The following SLC2A13 variants were observed in gnomAD, a reference collection of about 807,000 sequenced individuals.
SLC2A13 encodes proton myo-inositol cotransporter.
In SLC2A13, 32 loss-of-function variants were observed where a neutral mutation model predicts 64.4. That is an observed-to-expected ratio of 0.50 (90% CI 0.37 to 0.67). The LOEUF is 0.67. Ranked by LOEUF, SLC2A13 falls within the 30% of genes least tolerant of loss-of-function variation. The probability of loss-of-function intolerance (pLI) is 0.00; values close to 1 mark genes in which losing one functional copy is unlikely to be tolerated. For synonymous variants in SLC2A13, 338 were observed against 327.1 expected (o/e 1.03, Z -0.36); for missense variants, 743 against 829.2 (o/e 0.90, Z 1.28).
chr12:39,885,093 T>G (rs973252474), intron 4 of SLC2A13, among the ~76,000 whole-genome samples: 2 of 152,204 alleles, frequency 1.3e-5, no homozygotes, highest in African/African-American at 4.8e-5. Context: ...AGAGTTGCCT[T>G]TCAGGCAGGG....
intron 6 of SLC2A13, among the ~76,000 whole-genome samples, chr12:39,863,619 CA>C (rs1943821387): frequency 6.6e-6 from 1 of 152,040 alleles, no homozygotes; most frequent in Admixed American, 6.5e-5. Flanking sequence ...GGCAGATGTC[CA>C]AATAAAGATG....
chr12:40,009,515 G>T (rs933512597), intron 3 of SLC2A13, among the ~76,000 whole-genome samples: 2 of 152,126 alleles, frequency 1.3e-5, no homozygotes, highest in Admixed American at 6.6e-5. Flanking sequence ...CTACAGCCTT[G>T]ACTCCCTGGG....
intron 4 of SLC2A13, among the ~76,000 whole-genome samples, chr12:39,948,492 A>T (rs1240987379): frequency 6.6e-6 from 1 of 152,158 alleles, no homozygotes; most frequent in African/African-American, 2.4e-5. Context: ...GAGGGAGAAG[A>T]TAAAAAACTA....
Position 40,105,634 on chromosome 12 carries a change from C to T in SLC2A13, c.175G>A (p.Gly59Ser). 3 of 1,485,098 alleles carry T rather than the reference C, an allele frequency of 2.0e-6. No individual in the cohort carries two copies. The highest frequency in any genetic ancestry group is 2.7e-5 in the South Asian group (2 of 74,968). 92.0% of individuals were successfully genotyped at this position (1,485,098 alleles called of 1,614,324 possible). A position where few individuals can be genotyped will look rare whatever the true frequency, so the allele number is the denominator to read the frequency against. Residue 59 changes from glycine (G) to serine (S), a missense_variant, in exon 1 of 10, where the codon GGC becomes AGC. Physicochemically the swap from Gly to Ser is moderately conservative, Grantham distance 56 (BLOSUM62 0). Around this residue, in one of 2 missense-constraint regions of SLC2A13, gnomAD observed 448 missense variants for 447.4 expected, o/e 1.00. Transcript: ENST00000280871. The surrounding 1 kb of genome is among the most constrained non-coding windows in gnomAD (Gnocchi z 4.2). Reference protein sequence around the residue: ...TSLQSAGAGGGGVGDLERAAR... With the variant: ...TSLQSAGAGGSGVGDLERAAR... Reference sequence around the variant, plus strand: ...GCGCGCTCCAGGTCCCCGACGCCGCCGCCGCCCGCGCCCGCGCTCTGCAGG... The same window carrying T: ...GCGCGCTCCAGGTCCCCGACGCCGCTGCCGCCCGCGCCCGCGCTCTGCAGG...
chr12:39,812,096 G>A (rs1205160752), intron 7 of SLC2A13, among the ~76,000 whole-genome samples: 1 of 152,122 alleles, frequency 6.6e-6, no homozygotes, highest in Non-Finnish European at 1.5e-5. Flanking sequence ...TTATTTCTCA[G>A]GGTTTTGGAG....
chr12:39,978,412 C>T (rs28370738), intron 3 of SLC2A13, among the ~76,000 whole-genome samples: 1,945 of 152,278 alleles, frequency 0.013, 43 homozygotes, highest in African/African-American at 0.044. Flanking sequence ...TCTGAGGTAC[C>T]GAGTTCATCA....
intron 1 of SLC2A13, among the ~76,000 whole-genome samples, chr12:40,052,260 T>C (rs780819875): frequency 6.6e-6 from 1 of 152,154 alleles, no homozygotes; most frequent in Non-Finnish European, 1.5e-5. Flanking sequence ...GGAATACAGA[T>C]TATTTACATG....
rs1231592769 is a variant in SLC2A13 at position 39,768,657 on chromosome 12, T to C, written c.1446-3799A>G. On this transcript the variant is annotated intron_variant, in intron 7 of 9. Coordinates refer to ENST00000280871, the MANE Select transcript of SLC2A13 (RefSeq NM_052885.4). ...GTGGTCAGAACACACACAACATTTA[T>C]AATTAAGTTTGACGTCTTATACGGG... 2.6e-5 allele frequency among the ~76,000 whole-genome samples: 4 copies of C among 152,052 alleles called. No individual in the cohort carries two copies. In the East Asian group the frequency reaches 7.7e-4, roughly 29 times the overall value.
intron 3 of SLC2A13, among the ~76,000 whole-genome samples, chr12:40,018,218 C>T (rs1444244046): frequency 6.6e-6 from 1 of 152,152 alleles, no homozygotes. Context: ...GAAATCCACA[C>T]TCCTTTTTAA....
intron 7 of SLC2A13, among the ~76,000 whole-genome samples, chr12:39,806,825 C>A (rs1184901105): frequency 6.6e-6 from 1 of 151,876 alleles, no homozygotes; most frequent in African/African-American, 2.4e-5. Flanking sequence ...TGGAAACAAC[C>A]CATGTCTTTA....
chr12:39,884,850 A>T (rs1193974487), intron 4 of SLC2A13, among the ~76,000 whole-genome samples: 2 of 152,224 alleles, frequency 1.3e-5, no homozygotes, highest in Non-Finnish European at 2.9e-5. Context: ...GGAATTCAAG[A>T]TGCAAGTTAT....
At chr12:39,920,275 A>G (rs1461899954) in intron 4 of SLC2A13, among the ~76,000 whole-genome samples, 1 of 152,128 alleles carries the variant, frequency 6.6e-6, no homozygotes, top group Admixed American at 6.6e-5. Flanking sequence ...GTAATAAGAG[A>G]CTGCGAATTT....
chr12:39,895,733 C>T lies in SLC2A13; in HGVS notation c.1035-23772G>A, dbSNP rs111219485. Among the ~76,000 whole-genome samples, 59 of 26,334 alleles carry T rather than the reference C, an allele frequency of 2.2e-3. 7 individuals are homozygous for T. The highest frequency in any genetic ancestry group is 2.9e-3 in the African/African-American group (28 of 9,496). 17.3% of individuals were successfully genotyped at this position (26,334 alleles called of 152,430 possible). On this transcript the variant is annotated intron_variant, in intron 4 of 9. Transcript: ENST00000280871. ...ACACACATATGTATATGCGTGTATACGTACACACATGTATATGCGTGTATA... is the reference window on the plus strand; with the variant it reads ...ACACACATATGTATATGCGTGTATATGTACACACATGTATATGCGTGTATA...
At chr12:39,859,010 A>G (rs924675122) in intron 6 of SLC2A13, among the ~76,000 whole-genome samples, 2 of 152,178 alleles carry the variant, frequency 1.3e-5, no homozygotes, top group African/African-American at 2.4e-5. Flanking sequence ...AAGGCTGGCA[A>G]AAGGAGAAGA....
chr12:39,856,192 A>G (rs1943601656), intron 6 of SLC2A13, among the ~76,000 whole-genome samples: 1 of 152,072 alleles, frequency 6.6e-6, no homozygotes, highest in Non-Finnish European at 1.5e-5. Flanking sequence ...AGTCAGCACC[A>G]TCTACCTTCT....
intron 4 of SLC2A13, among the ~76,000 whole-genome samples, chr12:39,942,984 T>C (rs1461364027): frequency 2.6e-5 from 4 of 152,180 alleles, no homozygotes; most frequent in African/African-American, 9.7e-5. Flanking sequence ...TCCTTTCTGT[T>C]TGTTAGTTTT....
intron 7 of SLC2A13, among the ~76,000 whole-genome samples, chr12:39,818,837 T>TA (rs1942410939): frequency 6.6e-6 from 1 of 152,162 alleles, no homozygotes; most frequent in Admixed American, 6.6e-5. Context: ...GTTATAAGTA[T>TA]AAAAATTGAA....
chr12:39,986,109 T>C (rs184791989), intron 3 of SLC2A13, among the ~76,000 whole-genome samples: 1 of 152,030 alleles, frequency 6.6e-6, no homozygotes, highest in Admixed American at 6.5e-5. Context: ...TTGGTTCCAA[T>C]TGTGAGGGTT....
intron 3 of SLC2A13, among the ~76,000 whole-genome samples, chr12:39,986,794 A>G (rs28365669): frequency 0.038 from 5,794 of 152,098 alleles, 218 homozygotes; most frequent in Admixed American, 0.12. Context: ...AATCTCAGGC[A>G]TATCTATGGT....
Sources: allele counts gnomAD v4.1 joint callset (sites outside exome capture counted in the v4.1 genomes callset), GRCh38; gene constraint gnomAD v4.1.1; regional missense constraint gnomAD v4.1.1; non-coding constraint Gnocchi (gnomAD v3.1); transcripts MANE v1.5; gene names NCBI Gene and HGNC (gene_info 2026-07-23, HGNC 2026-07-21).